Variants in WDPCP observed in about 807,000 individuals in gnomAD.
The protein encoded by WDPCP is WD repeat containing planar cell polarity effector.
Under a neutral mutation model 93.1 loss-of-function variants are expected in WDPCP, and 71 were observed. The observed-to-expected ratio is 0.76, with a 90% confidence interval of 0.63 to 0.93. The LOEUF is 0.93. Among genes scored for constraint, WDPCP ranks in the 40% least tolerant of loss-of-function variants. The probability of loss-of-function intolerance (pLI) is 0.00; values close to 1 mark genes in which losing one functional copy is unlikely to be tolerated. For synonymous variants in WDPCP, 315 were observed against 315.0 expected, an observed-to-expected ratio of 1.00 and a Z score of 0.00; for missense variants, 844 against 887.4, an observed-to-expected ratio of 0.95 and a Z score of 0.62.
At chr2:63,787,578 A>G (rs989757250) in intron 2 of WDPCP, among the ~76,000 whole-genome samples, 6 of 152,214 alleles carry the variant, frequency 3.9e-5, no homozygotes, top group African/African-American at 7.2e-5. Context: ...TCCAGAACAC[A>G]TTACATTAAA....
Position 63,173,183 on chromosome 2 carries a change from G to A in WDPCP, c.2078+1487C>T, listed in dbSNP as rs929139006. 6.6e-5 allele frequency among the ~76,000 whole-genome samples: 10 copies of A among 151,788 alleles called. No homozygotes were observed. The South Asian group carries it at 1.2e-3, about 19-fold the overall frequency. ...CTATGGAGGGTGAAGCAGGAGAGTC[G>A]CGTGAACCCAGGAGGTGGGGGTTGC... On this transcript the variant is annotated intron_variant, in intron 15 of 17. Coordinates refer to ENST00000272321, the MANE Select transcript of WDPCP (RefSeq NM_015910.7).
At chr2:63,598,048 AGT>A (rs1031794038) in intron 3 of WDPCP, 4 of 152,214 alleles carry the variant, frequency 2.6e-5, no homozygotes, top group Admixed American at 1.3e-4. Context: ...TATGACTTAT[AGT>A]TCTCTCTTTG....
intron 1 of WDPCP, among the ~76,000 whole-genome samples, chr2:63,568,339 T>A (rs1178636491): frequency 1.2e-5 from 1 of 84,008 alleles, no homozygotes; most frequent in Non-Finnish European, 2.1e-5. Flanking sequence ...GCTGAATAAA[T>A]TCCTAAAAAA....
chr2:63,382,166 C>T (rs1692369723), intron 10 of WDPCP, 72 bp from the exon 11 acceptor site: 1 of 1,481,096 alleles, frequency 6.8e-7, no homozygotes, highest in East Asian at 2.5e-5. Context: ...TTAATTTTTC[C>T]ATAAAGAAAA....
At chr2:63,492,684 T>C (rs1271178999) in intron 2 of WDPCP, among the ~76,000 whole-genome samples, 172 bp downstream of exon 2, 1 of 152,088 alleles carries the variant, frequency 6.6e-6, no homozygotes, top group African/African-American at 2.4e-5. Flanking sequence ...GCTGTAAATA[T>C]TGTTAGTAAG....
At chr2:63,831,328 A>G (rs780877066), upstream of WDPCP, among the ~76,000 whole-genome samples, 22 of 152,142 alleles carry the variant, frequency 1.4e-4, no homozygotes, top group Non-Finnish European at 1.8e-4. Flanking sequence ...GCCTCTTGCC[A>G]TTCTGCACTT....
chr2:63,669,180 G>T (rs532384632), intron 2 of WDPCP, among the ~76,000 whole-genome samples: 15 of 152,112 alleles, frequency 9.9e-5, no homozygotes, highest in Non-Finnish European at 1.9e-4. Context: ...TAGCTTCTCT[G>T]AACTCTACCC....
rs774230214 is a variant in WDPCP at position 63,404,365 on chromosome 2, AAG to A, written c.1116_1117del (p.Leu373SerfsTer4). 5 of 1,614,078 alleles carry A rather than the reference AAG, an allele frequency of 3.1e-6. No homozygotes were observed. The highest frequency in any genetic ancestry group is 1.1e-5 in the South Asian group (1 of 91,094). On this transcript the variant is annotated frameshift_variant, in exon 10 of 18. Coordinates refer to ENST00000272321, the MANE Select transcript of WDPCP (RefSeq NM_015910.7). LOFTEE classifies it high-confidence loss of function. ...TGAAGGCAAAAGTTCAGTCTGTGCT[AAG>A]AGAGTCACTCTACGGTGAGTTTCAT...
At chr2:63,567,294 T>G (rs1261676020) in intron 1 of WDPCP, among the ~76,000 whole-genome samples, 1 of 151,898 alleles carries the variant, frequency 6.6e-6, no homozygotes, top group East Asian at 1.9e-4. Flanking sequence ...CAGCCCCCAT[T>G]CCAAAACTAT....
chr2:63,134,396 G>C (rs183741132), intron 17 of WDPCP, among the ~76,000 whole-genome samples: 2,203 of 152,194 alleles, frequency 0.014, 29 homozygotes, highest in Middle Eastern at 0.024. Context: ...TGTAAATAAA[G>C]GAAATAAAAA....
chr2:63,566,477 A>G (rs1158708622), intron 1 of WDPCP, among the ~76,000 whole-genome samples: 1 of 152,124 alleles, frequency 6.6e-6, no homozygotes, highest in African/African-American at 2.4e-5. Flanking sequence ...AAATGTGTAA[A>G]ACTAAGCTGT....
intron 9 of WDPCP, among the ~76,000 whole-genome samples, chr2:63,430,062 A>G (rs1474785630): frequency 6.6e-6 from 1 of 151,652 alleles, no homozygotes; most frequent in East Asian, 1.9e-4. Context: ...GAACAAAAGT[A>G]TGTCCTTTCT....
At chr2:63,549,865 G>A (rs1022130857) in intron 1 of WDPCP, among the ~76,000 whole-genome samples, 3 of 152,136 alleles carry the variant, frequency 2.0e-5, no homozygotes, top group African/African-American at 4.8e-5. Context: ...TTCCACTCAA[G>A]GTTCTGATCT....
chr2:63,534,545 A>T (rs538556686), intron 1 of WDPCP, among the ~76,000 whole-genome samples: 92 of 152,338 alleles, frequency 6.0e-4, no homozygotes, highest in African/African-American at 2.1e-3. Context: ...GGGATGCAAG[A>T]CTGGTTCAGC....
intron 2 of WDPCP, among the ~76,000 whole-genome samples, chr2:63,798,096 C>T (rs1670642302): frequency 6.6e-6 from 1 of 152,124 alleles, no homozygotes; most frequent in South Asian, 2.1e-4. Flanking sequence ...ATCCTTCAAA[C>T]ATGAAGAATA....
chr2:63,185,915 C>T (rs1049874866), intron 14 of WDPCP, among the ~76,000 whole-genome samples: 3 of 146,344 alleles, frequency 2.0e-5, no homozygotes, highest in Non-Finnish European at 4.4e-5. Context: ...TCCCACCTCC[C>T]GGCCCCCCCA....
chr2:63,532,192 C>T (rs1189477168), intron 1 of WDPCP, among the ~76,000 whole-genome samples: 1 of 152,102 alleles, frequency 6.6e-6, no homozygotes, highest in African/African-American at 2.4e-5. Context: ...AACAAAGCCT[C>T]CAAGAAATAT....
In WDPCP at chr2:63,382,083, G is replaced by C. The variant is rs768036084; in HGVS notation, c.1447C>G (p.Arg483Gly). Reference protein sequence around the residue: ...VLLFKLGVFTRGQLGLIDIIF... With the variant: ...VLLFKLGVFTGGQLGLIDIIF... Reference sequence around the variant, plus strand: ...ATGTCTATCAGGCCCAGCTGTCCTCGAGTGAAGACGCCTATCACAAAACAT... The same window carrying C: ...ATGTCTATCAGGCCCAGCTGTCCTCCAGTGAAGACGCCTATCACAAAACAT... The change falls in exon 11 of 18, where the codon CGA becomes GGA. Residue 483 changes from arginine to glycine, a missense_variant. By Grantham distance (125) the Arg-to-Gly change is moderately radical (BLOSUM62 -2). Transcript: ENST00000272321. 3.1e-6 allele frequency: 5 copies of C among 1,612,678 alleles called. No homozygotes were observed. The highest frequency in any genetic ancestry group is 1.1e-5 in the South Asian group (1 of 90,970).
intron 1 of WDPCP, among the ~76,000 whole-genome samples, chr2:63,571,198 A>C (rs916839772): frequency 5.9e-5 from 9 of 152,136 alleles, no homozygotes; most frequent in African/African-American, 2.2e-4. Flanking sequence ...GGCATAAGCC[A>C]CCGCGCCTGG....
Sources: allele counts gnomAD v4.1 joint callset (sites outside exome capture counted in the v4.1 genomes callset), GRCh38; gene constraint gnomAD v4.1.1; transcripts MANE v1.5; gene names NCBI Gene and HGNC (gene_info 2026-07-23, HGNC 2026-07-21).